Variants in METTL15 observed in about 807,000 individuals in gnomAD.
The protein encoded by METTL15 is 12S rRNA N(4)-cytidine methyltransferase METTL15.
Under a neutral mutation model 38.3 loss-of-function variants are expected in METTL15, and 34 were observed. The ratio of observed to expected loss-of-function variants is 0.89; its 90% confidence interval spans 0.68 to 1.18. The LOEUF (loss-of-function observed/expected upper bound fraction) is 1.18. METTL15 is among the 50% of genes most tolerant of loss of function. The probability of loss-of-function intolerance (pLI) is 0.00; values close to 1 mark genes in which losing one functional copy is unlikely to be tolerated. For synonymous variants in METTL15, 162 were observed against 170.9 expected (o/e 0.95, Z 0.41); for missense variants, 438 against 498.4 (o/e 0.88, Z 1.15).
chr11:28,389,124 T>A (rs924524191), intron 5 of METTL15, among the ~76,000 whole-genome samples: 2 of 152,118 alleles, frequency 1.3e-5, no homozygotes, highest in African/African-American at 4.8e-5. Context: ...CTATTGTGAA[T>A]AGTGCCTCAA....
At chr11:28,199,659 G>T (rs1039424424) in intron 3 of METTL15, among the ~76,000 whole-genome samples, 7 of 151,810 alleles carry the variant, frequency 4.6e-5, no homozygotes, top group Admixed American at 2.6e-4. Flanking sequence ...CATGTTTTTT[G>T]AAGTAAATGG....
At chr11:28,422,146 T>C (rs752833152) in intron 5 of METTL15, among the ~76,000 whole-genome samples, 1 of 151,776 alleles carries the variant, frequency 6.6e-6, no homozygotes, top group Non-Finnish European at 1.5e-5. Context: ...AGTAAAATAT[T>C]TCTACAATGA....
chr11:28,393,263 G>T (rs535362262), intron 5 of METTL15, among the ~76,000 whole-genome samples: 1 of 152,252 alleles, frequency 6.6e-6, no homozygotes, highest in South Asian at 2.1e-4. Context: ...GTTTCAAGAG[G>T]TGGAAGTAGC....
chr11:28,459,819 A>G (rs1851199510), intron 6 of METTL15, among the ~76,000 whole-genome samples: 1 of 151,956 alleles, frequency 6.6e-6, no homozygotes, highest in African/African-American at 2.4e-5. Context: ...GTCCCTTGTC[A>G]TTTATTGTTG....
intron 3 of METTL15, among the ~76,000 whole-genome samples, chr11:28,204,665 T>C (rs1852248609): frequency 6.6e-6 from 1 of 151,934 alleles, no homozygotes. Context: ...TGCCACTTAC[T>C]AGTTTAGTGC....
Position 28,290,344 on chromosome 11 carries a change from A to G in METTL15, c.546A>G (p.Arg182=). Residue 182 remains arginine (R), a synonymous_variant, in exon 5 of 7, where the codon AGA becomes AGG. Coordinates refer to ENST00000407364, the MANE Select transcript of METTL15 (RefSeq NM_001113528.2). ...CCATGCAACTTGATACTCCTGAAAG[A>G]GGTTTTTCCCTTCGGAAAGATGGCC... The part of the protein sequence containing the change: ...CSSMQLDTPE[R]GFSLRKDGPL... 1 of 1,613,422 alleles carries G rather than the reference A, an allele frequency of 6.2e-7. No homozygotes were observed. The highest frequency in any genetic ancestry group is 8.5e-7 in the Non-Finnish European group (1 of 1,179,574).
intron 3 of METTL15, among the ~76,000 whole-genome samples, chr11:28,119,508 A>G (rs749834524): frequency 6.6e-6 from 1 of 152,220 alleles, no homozygotes; most frequent in Non-Finnish European, 1.5e-5. Context: ...AAACAGATAC[A>G]AAGGCTGAGA....
At chr11:28,351,747 A>G (rs1225954458) in intron 3 of METTL15, among the ~76,000 whole-genome samples, 2 of 152,212 alleles carry the variant, frequency 1.3e-5, no homozygotes, top group Non-Finnish European at 2.9e-5. Flanking sequence ...ATGATGAAAT[A>G]AGGTGTGGCA....
intron 6 of METTL15, among the ~76,000 whole-genome samples, chr11:28,311,003 T>TGAGAGAGA (rs150856463): frequency 2.5e-5 from 3 of 119,272 alleles, no homozygotes; most frequent in African/African-American, 1.1e-4. Context: ...TGTGTGTGTG[T>TGAGAGAGA]GAGAGAGAGA....
chr11:28,407,116 G>A (rs562366276), intron 5 of METTL15, among the ~76,000 whole-genome samples: 1 of 152,186 alleles, frequency 6.6e-6, no homozygotes, highest in East Asian at 1.9e-4. Flanking sequence ...TTGCATTGAT[G>A]TTCATCAGGG....
At chr11:28,384,982 A>G (rs1850425744) in intron 5 of METTL15, among the ~76,000 whole-genome samples, 1 of 152,054 alleles carries the variant, frequency 6.6e-6, no homozygotes, top group African/African-American at 2.4e-5. Context: ...TCACTTTTTA[A>G]TGGGATTGTT....
At chr11:28,286,628 G>A (rs1192563754) in intron 4 of METTL15, among the ~76,000 whole-genome samples, 1 of 151,996 alleles carries the variant, frequency 6.6e-6, no homozygotes, top group Admixed American at 6.6e-5. Flanking sequence ...AAAAAGAACT[G>A]TTTAACAAAA....
intron 5 of METTL15, among the ~76,000 whole-genome samples, chr11:28,379,933 G>A (rs367977436): frequency 6.6e-6 from 1 of 152,074 alleles, no homozygotes; most frequent in Admixed American, 6.5e-5. Flanking sequence ...ATATTCTCTT[G>A]CAGAATTGGC....
downstream of METTL15, among the ~76,000 whole-genome samples, chr11:28,334,477 A>G (rs1276643792): frequency 6.6e-6 from 1 of 152,096 alleles, no homozygotes; most frequent in East Asian, 1.9e-4. Context: ...ATAGACAGGG[A>G]TAAGCATTTA....
chr11:28,318,795 C>T (rs1849358290), intron 6 of METTL15, among the ~76,000 whole-genome samples: 1 of 152,080 alleles, frequency 6.6e-6, no homozygotes, highest in African/African-American at 2.4e-5. Context: ...AAGAAAAGCC[C>T]ATATATACTG....
At position 28,155,016 on chromosome 11, in the gene METTL15, ATTTAT is replaced by A. The variant is rs541411259; in HGVS notation, c.270+41416_270+41420del. ...AAAGATAGAAGTTTCTCCTAATGGG[ATTTAT>A]TTTGGCAGGATCAGGATTGAGAATA... On this transcript the variant is annotated intron_variant, in intron 3 of 6. Coordinates refer to ENST00000407364, the MANE Select transcript of METTL15 (RefSeq NM_001113528.2). Among the ~76,000 whole-genome samples, 100 of 152,234 alleles carry A rather than the reference ATTTAT, an allele frequency of 6.6e-4. 1 individual carries two copies. Among genetic ancestry groups the A allele is most frequent in the African/African-American group, 2.3e-3 (96 of 41,552 alleles).
intron 4 of METTL15, among the ~76,000 whole-genome samples, chr11:28,281,333 G>A (rs1856047059): frequency 6.6e-6 from 1 of 152,104 alleles, no homozygotes; most frequent in African/African-American, 2.4e-5. Context: ...ACCTGGATGG[G>A]TCCTGAACTC....
intron 3 of METTL15, among the ~76,000 whole-genome samples, chr11:28,117,925 C>A (rs1852044996): frequency 6.6e-6 from 1 of 152,214 alleles, no homozygotes; most frequent in African/African-American, 2.4e-5. Flanking sequence ...CACTCACTTG[C>A]ATCAGTCACT....
chr11:28,526,903 A>AATGTGTAC (rs1164927532), exon 8 of METTL15: 2 of 152,244 alleles, frequency 1.3e-5, no homozygotes, highest in African/African-American at 2.4e-5. Flanking sequence ...TAAATGTGTA[A>AATGTGTAC]ATGTGTACAT....
Sources: allele counts gnomAD v4.1 joint callset (sites outside exome capture counted in the v4.1 genomes callset), GRCh38; gene constraint gnomAD v4.1.1; transcripts MANE v1.5; gene names NCBI Gene and HGNC (gene_info 2026-07-23, HGNC 2026-07-21).